Variants in JRKL observed in about 807,000 individuals in gnomAD.
JRKL encodes the protein JRK like, also known as jerky protein homolog-like.
JRKL carries 25 observed loss-of-function variants against 34.7 expected under a neutral mutation model. The ratio of observed to expected loss-of-function variants is 0.72; its 90% CI spans 0.53 to 1.01. The LOEUF (loss-of-function observed/expected upper bound fraction) is 1.01. Ranked by LOEUF, JRKL falls within the 50% of genes least tolerant of loss-of-function variation. The pLI is 0.00. For missense variants in JRKL, 495 were observed against 615.7 expected, an observed-to-expected ratio of 0.80 and a Z score of 2.07; for synonymous variants, 204 against 212.8, an observed-to-expected ratio of 0.96 and a Z score of 0.36.
Position 96,393,418 on chromosome 11 carries a change from CTAAG to C in JRKL, c.*1197_*1200del, listed in dbSNP as rs923978241. 5.9e-5 allele frequency among the ~76,000 whole-genome samples: 9 copies of C among 151,796 alleles called. No individual in the cohort carries two copies. The highest frequency in any genetic ancestry group is 1.9e-4 in the East Asian group (1 of 5,178). ...AATTTTGATAAATTTTTTTTGTAAACTAAGTATGTTTATTCAAGACATTGAAACT... is the reference window on the plus strand; with the variant it reads ...AATTTTGATAAATTTTTTTTGTAAACTATGTTTATTCAAGACATTGAAACT... On this transcript the variant is annotated 3_prime_UTR_variant, in exon 2 of 2. Transcript: ENST00000332349.
In JRKL at chr11:96,392,462, C is replaced by T; in HGVS notation, c.*238C>T. 2 of 416,788 alleles carry T rather than the reference C, an allele frequency of 4.8e-6. No homozygotes were observed. Among genetic ancestry groups the T allele is most frequent in the Non-Finnish European group, 8.3e-6 (2 of 241,620 alleles). The allele number at this position is 416,788 out of a possible 1,614,324, so 25.8% of individuals were successfully genotyped here. On this transcript the variant is annotated 3_prime_UTR_variant, in exon 2 of 2. Transcript: ENST00000332349. ...TATAAATTACATGTACACATGTATT[C>T]ACTTTTTAGAATCTGCAATTATACC...
In JRKL at chr11:96,391,420, G is replaced by A. The variant is rs1455437532; in HGVS notation, c.771G>A (p.Met257Ile). Residue 257 changes from methionine to isoleucine, a missense_variant, in exon 2 of 2, where the codon ATG becomes ATA. By Grantham distance (10) the Met-to-Ile change is conservative. Coordinates refer to ENST00000332349, the MANE Select transcript of JRKL (RefSeq NM_001261833.2). ...ATTTCAGCCAAAAAGGTGCATGGAT[G>A]GATCTTTCCATTTTCCGACAATGGT... ...VSYFSQKGAW[M>I]DLSIFRQWFD... 5 of 1,551,572 alleles carry A rather than the reference G, an allele frequency of 3.2e-6. No homozygotes were observed. The East Asian group carries it at 9.8e-5, about 30-fold the overall frequency.
rs1866571560 is a variant in JRKL at position 96,393,177 on chromosome 11, A to G, written c.*953A>G. 6.7e-6 allele frequency: 1 copy of G among 149,952 alleles called. No homozygotes were observed. The highest frequency in any genetic ancestry group is 1.6e-5 in the Non-Finnish European group (1 of 63,306). The allele number at this position is 149,952 out of a possible 1,614,324, so 9.3% of individuals were successfully genotyped here. ...TACTGCATACTCACAAATGTTGTCT[A>G]TAATTTGAAAAATATTGTCATATCT... On this transcript the variant is annotated 3_prime_UTR_variant, in exon 2 of 2. Transcript: ENST00000332349.
chr11:96,392,108 A>C lies in JRKL; in HGVS notation c.1459A>C (p.Asn487His). ...NHAAALQWTE[N>H]LLDYLEQQGD... ...TGCAGCTGCCCTCCAGTGGACTGAA[A>C]ATTTATTGGATTATCTAGAACAACA... The change falls in exon 2 of 2, where the codon AAT becomes CAT. Residue 487 changes from asparagine (N) to histidine (H), a missense_variant. Transcript: ENST00000332349. 6.2e-7 allele frequency: 1 copy of C among 1,614,062 alleles called. No individual in the cohort carries two copies. The highest frequency in any genetic ancestry group is 8.5e-7 in the Non-Finnish European group (1 of 1,179,972).
chr11:96,392,271 C>T lies in JRKL; in HGVS notation c.*47C>T. 1.3e-6 allele frequency: 2 copies of T among 1,498,092 alleles called. No homozygotes were observed. Among genetic ancestry groups the T allele is most frequent in the Non-Finnish European group, 1.8e-6 (2 of 1,126,482 alleles). The allele number at this position is 1,498,092 out of a possible 1,614,324, so 92.8% of individuals were successfully genotyped here. ...CTGCTCATTGTGTTTGTGACAAACT[C>T]TTTGCAATATGGCTTAATTTTCTTT... On this transcript the variant is annotated 3_prime_UTR_variant, in exon 2 of 2. Transcript: ENST00000332349.
In JRKL at chr11:96,391,853, G is replaced by A. The variant is rs771016458; in HGVS notation, c.1204G>A (p.Val402Ile). 6 of 1,614,200 alleles carry A rather than the reference G, an allele frequency of 3.7e-6. No individual in the cohort carries two copies. In the Admixed American group the frequency reaches 5.0e-5, roughly 13 times the overall value. The change falls in exon 2 of 2, where the codon GTT becomes ATT. Residue 402 changes from valine to isoleucine, a missense_variant. Physicochemically the swap from Val to Ile is conservative, Grantham distance 29 (BLOSUM62 3). Coordinates refer to ENST00000332349, the MANE Select transcript of JRKL (RefSeq NM_001261833.2). ...VEEKESLDFD[V>I]EDISVATVAA... ...GGAGAAAGAGAGCCTGGACTTTGATGTTGAAGATATTTCTGTGGCTACTGT... is the reference window on the plus strand; with the variant it reads ...GGAGAAAGAGAGCCTGGACTTTGATATTGAAGATATTTCTGTGGCTACTGT...
chr11:96,392,136 G>A lies in JRKL; in HGVS notation c.1487G>A (p.Gly496Asp). Residue 496 changes from glycine to aspartate, a missense_variant, in exon 2 of 2, where the codon GGT becomes GAT. Physicochemically the swap from Gly to Asp is moderately conservative, Grantham distance 94. Coordinates refer to ENST00000332349, the MANE Select transcript of JRKL (RefSeq NM_001261833.2). ...TTATTGGATTATCTAGAACAACAAG[G>A]TGATATGATTCTACCTGATAGACTG... ...ENLLDYLEQQ[G>D]DMILPDRLVI... 1 of 1,613,954 alleles carries A rather than the reference G, an allele frequency of 6.2e-7. No individual in the cohort carries two copies. The highest frequency in any genetic ancestry group is 8.5e-7 in the Non-Finnish European group (1 of 1,179,914).
Position 96,390,575 on chromosome 11 carries a change from T to G in JRKL, c.-75T>G. On this transcript the variant is annotated 5_prime_UTR_variant, in exon 2 of 2. Coordinates refer to ENST00000332349, the MANE Select transcript of JRKL (RefSeq NM_001261833.2). ...ACTGAGTGTGTTAAGACTGTTGAAG[T>G]GAGCCTGTGTAAGAGAAGGAAGGAT... 6.6e-7 allele frequency: 1 copy of G among 1,518,530 alleles called. No homozygotes were observed. Among genetic ancestry groups the G allele is most frequent in the Non-Finnish European group, 8.8e-7 (1 of 1,138,304 alleles). 94.1% of individuals were successfully genotyped at this position (1,518,530 alleles called of 1,614,324 possible). A position where few individuals can be genotyped will look rare whatever the true frequency, so the allele number is the denominator to read the frequency against.
rs1293199720 is a variant in JRKL, at chr11:96,392,142, T to A, written c.1493T>A (p.Met498Lys). 1.9e-6 allele frequency: 3 copies of A among 1,613,466 alleles called. No individual in the cohort carries two copies. The African/African-American group carries it at 4.0e-5, about 22-fold the overall frequency. ...GATTATCTAGAACAACAAGGTGATA[T>A]GATTCTACCTGATAGACTGGTAATA... ...LLDYLEQQGD[M>K]ILPDRLVIRK... Residue 498 changes from methionine (M) to lysine (K), a missense_variant, in exon 2 of 2, where the codon ATG becomes AAG. Physicochemically the swap from Met to Lys is moderately conservative, Grantham distance 95 (BLOSUM62 -1). Coordinates refer to ENST00000332349, the MANE Select transcript of JRKL (RefSeq NM_001261833.2).
rs755226370 is a variant in JRKL, at chr11:96,392,186, A to G, written c.1537A>G (p.Ile513Val). The G allele has an allele frequency of 3.1e-6, 5 of 1,598,880 alleles. No homozygotes were observed. In the African/African-American group the frequency reaches 6.7e-5, roughly 22 times the overall value. Residue 513 changes from isoleucine (I) to valine (V), a missense_variant, in exon 2 of 2, where the codon ATC becomes GTC. Coordinates refer to ENST00000332349, the MANE Select transcript of JRKL (RefSeq NM_001261833.2). ...GGTAATACGTAAACTTCGAGCCACC[A>G]TCAGAAATAAACAGAAGATGACAAA... is the stretch of plus-strand genomic sequence containing the variant. ...RLVIRKLRAT[I>V]RNKQKMTKSS...
rs1378523836 is a variant in JRKL at position 96,391,052 on chromosome 11, A to G, written c.403A>G (p.Ile135Val). 4 of 1,614,250 alleles carry G rather than the reference A, an allele frequency of 2.5e-6. No homozygotes were observed. Among genetic ancestry groups the G allele is most frequent in the Non-Finnish European group, 3.4e-6 (4 of 1,180,036 alleles). ...WLTRFKQRHS[I>V]REINIRNERL... ...AACTCGTTTTAAGCAGCGGCACAGC[A>G]TTAGAGAGATTAACATTAGAAATGA... Residue 135 changes from isoleucine to valine, a missense_variant, in exon 2 of 2, where the codon ATT becomes GTT. Transcript: ENST00000332349.
chr11:96,392,521 T>C lies in JRKL; in HGVS notation c.*297T>C. On this transcript the variant is annotated 3_prime_UTR_variant, in exon 2 of 2. Coordinates refer to ENST00000332349, the MANE Select transcript of JRKL (RefSeq NM_001261833.2). ...CAGTGGCATTCCCTTAATTTTCTAG[T>C]GAAAGTTAGAGATAACTGAACAGAC... is the stretch of plus-strand genomic sequence containing the variant. 4.2e-6 allele frequency: 1 copy of C among 237,462 alleles called. No homozygotes were observed. Among genetic ancestry groups the C allele is most frequent in the Admixed American group, 5.1e-5 (1 of 19,502 alleles). 14.7% of individuals were successfully genotyped at this position (237,462 alleles called of 1,614,324 possible). A position where few individuals can be genotyped will look rare whatever the true frequency, so the allele number is the denominator to read the frequency against.
chr11:96,390,328 A>G (rs377239452), intron 1 of JRKL, among the ~76,000 whole-genome samples, 155 bp from the exon 2 acceptor site: 2 of 152,182 alleles, frequency 1.3e-5, no homozygotes, highest in South Asian at 2.1e-4. Flanking sequence ...CGTGGCCACA[A>G]TGGGGGTATA....
chr11:96,391,594 A>G lies in JRKL; in HGVS notation c.945A>G (p.Leu315=), dbSNP rs760522509. 2 of 1,606,092 alleles carry G rather than the reference A, an allele frequency of 1.2e-6. No homozygotes were observed. Among genetic ancestry groups the G allele is most frequent in the Non-Finnish European group, 1.7e-6 (2 of 1,175,696 alleles). The change falls in exon 2 of 2, where the codon TTA becomes TTG. Residue 315 remains leucine (L), a synonymous_variant. Coordinates refer to ENST00000332349, the MANE Select transcript of JRKL (RefSeq NM_001261833.2). ...ATGGCCAAATATTTGCTAAATATTT[A>G]CCACCTAATGTGGCCTCATTGATTC... ...SDDGQIFAKY[L]PPNVASLIQP...
Position 96,392,209 on chromosome 11 carries a change from A to G in JRKL, c.1560A>G (p.Thr520=). Residue 520 remains threonine, a synonymous_variant, in exon 2 of 2, where the codon ACA becomes ACG. Coordinates refer to ENST00000332349, the MANE Select transcript of JRKL (RefSeq NM_001261833.2). The part of the protein sequence containing the change: ...RATIRNKQKM[T]KSSQ Reference sequence around the variant, plus strand: ...CCATCAGAAATAAACAGAAGATGACAAAGTCAAGTCAATAATGTCATTTCA... The same window carrying G: ...CCATCAGAAATAAACAGAAGATGACGAAGTCAAGTCAATAATGTCATTTCA... 2.5e-6 allele frequency: 4 copies of G among 1,581,094 alleles called. No individual in the cohort carries two copies. The highest frequency in any genetic ancestry group is 3.4e-6 in the Non-Finnish European group (4 of 1,164,940).
Position 96,392,177 on chromosome 11 carries a change from C to T in JRKL, c.1528C>T (p.Arg510Ter), listed in dbSNP as rs750460216. ...LPDRLVIRKL[R>*]ATIRNKQKMT... Reference sequence around the variant, plus strand: ...TGATAGACTGGTAATACGTAAACTTCGAGCCACCATCAGAAATAAACAGAA... The same window carrying T: ...TGATAGACTGGTAATACGTAAACTTTGAGCCACCATCAGAAATAAACAGAA... The change falls in exon 2 of 2, where the codon CGA (arginine) becomes TGA (stop). Residue 510 changes from arginine (R) to a stop codon, truncating the protein, a stop_gained. Coordinates refer to ENST00000332349, the MANE Select transcript of JRKL (RefSeq NM_001261833.2). LOFTEE classifies it high-confidence loss of function. The T allele has an allele frequency of 2.5e-6, 4 of 1,600,698 alleles. No individual in the cohort carries two copies. The Admixed American group carries it at 5.3e-5, about 21-fold the overall frequency.
chr11:96,390,609 T>C lies in JRKL; in HGVS notation c.-41T>C. The C allele has an allele frequency of 6.5e-7, 1 of 1,536,686 alleles. No individual in the cohort carries two copies. The highest frequency in any genetic ancestry group is 8.7e-7 in the Non-Finnish European group (1 of 1,149,560). ...GTAAGAGAAGGAAGGATTTTGTGGA[T>C]TGCTACATTGTGAGTGTGGGGTGAG... On this transcript the variant is annotated 5_prime_UTR_variant, in exon 2 of 2. Transcript: ENST00000332349.
In JRKL at chr11:96,391,055, A is replaced by G. The variant is rs774191973; in HGVS notation, c.406A>G (p.Arg136Gly). 1 of 1,614,248 alleles carries G rather than the reference A, an allele frequency of 6.2e-7. No homozygotes were observed. The highest frequency in any genetic ancestry group is 1.1e-5 in the South Asian group (1 of 91,086). ...TCGTTTTAAGCAGCGGCACAGCATT[A>G]GAGAGATTAACATTAGAAATGAAAG... ...LTRFKQRHSIREINIRNERLN... is the reference protein window; with the variant it reads ...LTRFKQRHSIGEINIRNERLN... Residue 136 changes from arginine (R) to glycine (G), a missense_variant, in exon 2 of 2, where the codon AGA (arginine) becomes GGA (glycine). Arg to Gly is a moderately radical substitution (Grantham distance 125). Coordinates refer to ENST00000332349, the MANE Select transcript of JRKL (RefSeq NM_001261833.2).
rs1866501091 is a variant in JRKL at position 96,390,623 on chromosome 11, G to A, written c.-27G>A. The A allele has an allele frequency of 2.6e-6, 4 of 1,549,110 alleles. No homozygotes were observed. Among genetic ancestry groups the A allele is most frequent in the Middle Eastern group, 1.8e-4 (1 of 5,672 alleles). ...GATTTTGTGGATTGCTACATTGTGA[G>A]TGTGGGGTGAGTCCCAGAACCTCGC... On this transcript the variant is annotated 5_prime_UTR_variant, in exon 2 of 2. It adds an upstream start codon to the 5' untranslated region. Coordinates refer to ENST00000332349, the MANE Select transcript of JRKL (RefSeq NM_001261833.2).
Sources: allele counts gnomAD v4.1 joint callset (sites outside exome capture counted in the v4.1 genomes callset), GRCh38; gene constraint gnomAD v4.1.1; transcripts MANE v1.5; gene names NCBI Gene and HGNC (gene_info 2026-07-23, HGNC 2026-07-21).